MOV10: variants seen among roughly 807,000 people sequenced by gnomAD.
MOV10 encodes RNA helicase MOV-10.
MOV10 carries 39 observed loss-of-function variants against 108.4 expected under a neutral mutation model. The ratio of observed to expected loss-of-function variants is 0.36; its 90% CI spans 0.28 to 0.47. The LOEUF (loss-of-function observed/expected upper bound fraction) is 0.47, where lower values mean the gene tolerates loss of function less well. Among genes scored for constraint, MOV10 ranks in the 20% least tolerant of loss-of-function variants. MOV10 has a pLI of 1.00. For missense variants in MOV10, 952 were observed against 1,297.6 expected (o/e 0.73, Z 4.09); for synonymous variants, 490 against 523.1 (o/e 0.94, Z 0.86).
At position 112,699,805 on chromosome 1, in the gene MOV10, C is replaced by G; in HGVS notation, c.2704C>G (p.Pro902Ala). Reference protein sequence around the residue: ...LDFNLGFLKNPKRFNVAVTRA... With the variant: ...LDFNLGFLKNAKRFNVAVTRA... Reference sequence around the variant, plus strand: ...CTTTAATCTGGGTTTCCTTAAGAACCCCAAGGTTTGAGGGCTGGTCGGGGT... The same window carrying G: ...CTTTAATCTGGGTTTCCTTAAGAACGCCAAGGTTTGAGGGCTGGTCGGGGT... The change falls in exon 18 of 21, where the codon CCC (proline) becomes GCC (alanine). Residue 902 changes from proline (P) to alanine (A), a missense_variant. Physicochemically the swap from Pro to Ala is conservative, Grantham distance 27 (BLOSUM62 -1). This residue lies in a region of MOV10 where 65 missense variants were observed against 124.3 expected (regional missense o/e 0.52). Coordinates refer to ENST00000369645, the MANE Select transcript of MOV10 (RefSeq NM_001321324.2). 2.5e-6 allele frequency: 4 copies of G among 1,614,188 alleles called. No homozygotes were observed. Among genetic ancestry groups the G allele is most frequent in the Non-Finnish European group, 3.4e-6 (4 of 1,180,030 alleles).
chr1:112,698,393 A>G lies in MOV10; in HGVS notation c.2423A>G (p.Lys808Arg). The G allele has an allele frequency of 6.2e-7, 1 of 1,614,208 alleles. No homozygotes were observed. Among genetic ancestry groups the G allele is most frequent in the Non-Finnish European group, 8.5e-7 (1 of 1,180,028 alleles). Residue 808 changes from lysine to arginine, a missense_variant, in exon 16 of 21, where the codon AAG (lysine) becomes AGG (arginine). By Grantham distance (26) the Lys-to-Arg change is conservative. Coordinates refer to ENST00000369645, the MANE Select transcript of MOV10 (RefSeq NM_001321324.2). ...GCTGCCACAGTGACTTCCTACCTGA[A>G]GCTGCTCCTGGCCCCCTCCTCCAAG... The part of the protein sequence containing the change: ...EEAATVTSYL[K>R]LLLAPSSKKG...
At chr1:112,692,969 C>G (rs377335991) in intron 7 of MOV10, 40 bp downstream of exon 7, 109 of 1,565,062 alleles carry the variant, frequency 7.0e-5, no homozygotes, top group Non-Finnish European at 8.9e-5. Context: ...TGGGCTCAAG[C>G]CAGCCAAGCT....
intron 11 of MOV10, among the ~76,000 whole-genome samples, chr1:112,695,911 G>A (rs1186076068): frequency 3.9e-5 from 6 of 152,292 alleles, no homozygotes; most frequent in South Asian, 2.1e-4. Flanking sequence ...GTATGGTGGC[G>A]CGTGCCTGTA....
chr1:112,700,608 T>A lies in MOV10; in HGVS notation c.*101T>A. On this transcript the variant is annotated 3_prime_UTR_variant, in exon 21 of 21. Transcript: ENST00000369645. ...CTGCCCCTCCAAGGGACAGGAAGGCTGGGGGAGGGAGTTTACAACCCAAGC... is the reference window on the plus strand; with the variant it reads ...CTGCCCCTCCAAGGGACAGGAAGGCAGGGGGAGGGAGTTTACAACCCAAGC... 1 of 1,555,636 alleles carries A rather than the reference T, an allele frequency of 6.4e-7. No individual in the cohort carries two copies. Among genetic ancestry groups the A allele is most frequent in the South Asian group, 1.2e-5 (1 of 84,562 alleles).
At position 112,675,497 on chromosome 1, in the gene MOV10, A is replaced by G. The variant is rs1168172323; in HGVS notation, c.137+448A>G. Among the ~76,000 whole-genome samples the G allele has an allele frequency of 6.6e-6, 1 of 152,138 alleles. No individual in the cohort carries two copies. Among genetic ancestry groups the G allele is most frequent in the African/African-American group, 2.4e-5 (1 of 41,432 alleles). On this transcript the variant is annotated intron_variant, in intron 2 of 20. Coordinates refer to ENST00000369645, the MANE Select transcript of MOV10 (RefSeq NM_001321324.2). This position sits in a 1 kb window ranked among gnomAD's most constrained non-coding sequence, Gnocchi z 4.7. ...CGCGGGCTTTACAGGGACCTCTGCCACCTTGTTGAGGCGCTGCTGCCTCGG... is the reference window on the plus strand; with the variant it reads ...CGCGGGCTTTACAGGGACCTCTGCCGCCTTGTTGAGGCGCTGCTGCCTCGG...
chr1:112,693,994 C>A, intron 7 of MOV10, 24 bp from the exon 8 acceptor site: 1 of 1,613,190 alleles, frequency 6.2e-7, no homozygotes, highest in Non-Finnish European at 8.5e-7. Context: ...GGGACAGAAG[C>A]TTGCTTGTGT....
Position 112,691,788 on chromosome 1 carries a change from C to G in MOV10, c.960C>G (p.Ile320Met), listed in dbSNP as rs372753999. 45 of 1,613,784 alleles carry G rather than the reference C, an allele frequency of 2.8e-5. No homozygotes were observed. Among genetic ancestry groups the G allele is most frequent in the Middle Eastern group, 1.6e-4 (1 of 6,084 alleles). ...GTATCTTCACTGCCCCTAAGGAGATCGCAGAGATCAAGTAAGTACCATCCC... is the reference window on the plus strand; with the variant it reads ...GTATCTTCACTGCCCCTAAGGAGATGGCAGAGATCAAGTAAGTACCATCCC... ...GTSIFTAPKE[I>M]AEIKAQLETA... is the part of the protein sequence containing the mutation. The change falls in exon 6 of 21, where the codon ATC becomes ATG. Residue 320 changes from isoleucine to methionine, a missense_variant. Transcript: ENST00000369645.
At chr1:112,699,062 T>C in intron 17 of MOV10, 1 of 421,666 alleles carries the variant, frequency 2.4e-6, no homozygotes, top group Non-Finnish European at 4.3e-6. Flanking sequence ...AAAGTCCAAA[T>C]TCCGTGGCCT....
At chr1:112,687,095 C>G (rs1211300156) in intron 2 of MOV10, 1 of 452,192 alleles carries the variant, frequency 2.2e-6, no homozygotes, top group African/African-American at 2.0e-5. Context: ...TAGCCTCTGA[C>G]GTGGGCTGAA....
At chr1:112,697,643 A>AT (rs1674228646) in intron 14 of MOV10, among the ~76,000 whole-genome samples, 1 of 152,312 alleles carries the variant, frequency 6.6e-6, no homozygotes, top group African/African-American at 2.4e-5. Context: ...CACTGCTTAT[A>AT]TTTTTTGATT....
chr1:112,678,168 G>C (rs1672346242), intron 2 of MOV10, among the ~76,000 whole-genome samples: 1 of 152,110 alleles, frequency 6.6e-6, no homozygotes, highest in Admixed American at 6.5e-5. Flanking sequence ...GGGGTTGTGA[G>C]AGACCAAAAT....
intron 2 of MOV10, among the ~76,000 whole-genome samples, chr1:112,683,108 C>T (rs969329345): frequency 1.3e-5 from 2 of 150,214 alleles, no homozygotes; most frequent in African/African-American, 2.5e-5. Flanking sequence ...TTTGTAGAGA[C>T]GGGGTTTCAC....
rs573312779 is a variant in MOV10, at chr1:112,677,811, A to C, written c.137+2762A>C. Among the ~76,000 whole-genome samples the C allele has an allele frequency of 3.0e-4, 45 of 152,238 alleles. 1 individual carries two copies. The highest frequency in any genetic ancestry group is 1.1e-3 in the African/African-American group (44 of 41,490). The stretch of plus-strand genomic sequence containing the variant: ...AGTCACACTCTTTAGGAATTCTAGG[A>C]GATTCCTACACTGAGAGGGGATAGG... On this transcript the variant is annotated intron_variant, in intron 2 of 20. Coordinates refer to ENST00000369645, the MANE Select transcript of MOV10 (RefSeq NM_001321324.2).
At position 112,700,328 on chromosome 1, in the gene MOV10, C is replaced by T. The variant is rs1195640235; in HGVS notation, c.2908C>T (p.Pro970Ser). The T allele has an allele frequency of 9.3e-6, 15 of 1,614,222 alleles. No individual in the cohort carries two copies. Among genetic ancestry groups the T allele is most frequent in the Non-Finnish European group, 1.3e-5 (15 of 1,180,032 alleles). The change falls in exon 20 of 21, where the codon CCC becomes TCC. Residue 970 changes from proline (P) to serine (S), a missense_variant. Transcript: ENST00000369645. ...ACTGCAAGGTCTGAGCAAGCTCAGC[C>T]CCTCTACCTCAGGTATGGCTGGGCC... Reference protein sequence around the residue: ...NLLQGLSKLSPSTSGPHSHDY... With the variant: ...NLLQGLSKLSSSTSGPHSHDY...
chr1:112,690,416 G>T (rs888519914), intron 5 of MOV10, among the ~76,000 whole-genome samples: 3 of 152,106 alleles, frequency 2.0e-5, no homozygotes, highest in Non-Finnish European at 4.4e-5. Flanking sequence ...CTGGAGTGCG[G>T]TGGTGTGATC....
At chr1:112,687,231 A>G (rs1317348684) in intron 2 of MOV10, 1 of 329,794 alleles carries the variant, frequency 3.0e-6, no homozygotes, top group Non-Finnish European at 6.0e-6. Context: ...ATGATTTATT[A>G]CCTTTTTAAA....
At position 112,696,854 on chromosome 1, in the gene MOV10, C is replaced by G. The variant is rs766199253; in HGVS notation, c.2198+8C>G. On this transcript the variant is annotated splice_region_variant and intron_variant, in intron 14 of 20. Transcript: ENST00000369645. ...GCTGCTCCGCAACTACAGGTATTCC[C>G]ATGCCCTTGCCTCCCCTGCCATATC... 4 of 1,570,602 alleles carry G rather than the reference C, an allele frequency of 2.5e-6. No individual in the cohort carries two copies. Among genetic ancestry groups the G allele is most frequent in the Non-Finnish European group, 3.5e-6 (4 of 1,156,192 alleles).
At chr1:112,683,428 C>G (rs556587230) in intron 2 of MOV10, among the ~76,000 whole-genome samples, 1 of 152,198 alleles carries the variant, frequency 6.6e-6, no homozygotes, top group Middle Eastern at 3.4e-3. Flanking sequence ...TTTTTTGAGA[C>G]AAAATCTCAT....
intron 2 of MOV10, among the ~76,000 whole-genome samples, chr1:112,683,723 A>G (rs989193680): frequency 4.6e-5 from 7 of 152,142 alleles, no homozygotes; most frequent in African/African-American, 1.4e-4. Flanking sequence ...CATCTTTTCA[A>G]TGGCTGCATA....
Sources: gnomAD v4.1 joint callset for allele counts (sites outside exome capture counted in the v4.1 genomes callset) on GRCh38, gnomAD v4.1.1 for gene constraint, gnomAD v4.1.1 regional missense constraint, Gnocchi (gnomAD v3.1) non-coding constraint, MANE v1.5 for transcripts, NCBI Gene and HGNC (gene_info 2026-07-23, HGNC 2026-07-21) for gene names.